Variants in CACNA2D1 observed in about 807,000 individuals in gnomAD.
CACNA2D1 encodes calcium voltage-gated channel auxiliary subunit alpha2delta 1, also known as voltage-dependent calcium channel subunit alpha-2/delta-1.
CACNA2D1 carries 53 observed loss-of-function variants against 171.5 expected under a neutral mutation model. That is an observed-to-expected ratio of 0.31 (90% CI 0.25 to 0.39). The LOEUF (loss-of-function observed/expected upper bound fraction) is 0.39, where lower values mean the gene tolerates loss of function less well. Among genes scored for constraint, CACNA2D1 ranks in the 10% least tolerant of loss-of-function variants. The pLI is 1.00. For synonymous variants in CACNA2D1, 442 were observed against 443.1 expected, an observed-to-expected ratio of 1.00 and a Z score of 0.03; for missense variants, 903 against 1,299.8, an observed-to-expected ratio of 0.69 and a Z score of 4.69.
At chr7:82,233,612 T>G (rs1803204861) in intron 3 of CACNA2D1, among the ~76,000 whole-genome samples, 1 of 152,088 alleles carries the variant, frequency 6.6e-6, no homozygotes, top group African/African-American at 2.4e-5. Flanking sequence ...AATAGTAATA[T>G]CAAATTGGCA....
intron 3 of CACNA2D1, among the ~76,000 whole-genome samples, chr7:82,251,928 T>G (rs948362224): frequency 1.3e-5 from 2 of 152,196 alleles, no homozygotes; most frequent in South Asian, 2.1e-4. Context: ...ACAAGGGACA[T>G]GCAAGATAAA....
At chr7:82,044,716 A>C (rs998989673) in intron 10 of CACNA2D1, among the ~76,000 whole-genome samples, 1 of 152,146 alleles carries the variant, frequency 6.6e-6, no homozygotes, top group Non-Finnish European at 1.5e-5. Context: ...ATAAAAGGAA[A>C]ATGACCAGAG....
At chr7:82,003,025 C>CTAA (rs1798764114) in intron 18 of CACNA2D1, among the ~76,000 whole-genome samples, 1 of 151,986 alleles carries the variant, frequency 6.6e-6, no homozygotes, top group Admixed American at 6.6e-5. Context: ...TATACTGTTA[C>CTAA]CATATGTTCC....
intron 1 of CACNA2D1, among the ~76,000 whole-genome samples, chr7:82,412,715 G>GA (rs1827808567): frequency 6.6e-6 from 1 of 151,540 alleles, no homozygotes; most frequent in South Asian, 2.1e-4. Context: ...TTTCTAATCA[G>GA]AAAATATCAC....
chr7:82,399,333 G>C (rs1442567054), intron 1 of CACNA2D1, among the ~76,000 whole-genome samples: 3 of 151,714 alleles, frequency 2.0e-5, no homozygotes, highest in Non-Finnish European at 2.9e-5. Context: ...CCAGCTACTC[G>C]AGAGGCTCAG....
At chr7:82,217,424 T>TATATATATATATATATAG (rs1801265518) in intron 3 of CACNA2D1, among the ~76,000 whole-genome samples, 1 of 110,298 alleles carries the variant, frequency 9.1e-6, no homozygotes, top group African/African-American at 3.3e-5. Flanking sequence ...TATATATATA[T>TATATATATATATATATAG]ATCAGGAAAA....
chr7:82,280,124 T>C (rs1361280299), intron 3 of CACNA2D1, among the ~76,000 whole-genome samples: 1 of 152,210 alleles, frequency 6.6e-6, no homozygotes, highest in Non-Finnish European at 1.5e-5. Flanking sequence ...TAAAAATATA[T>C]TAATTTTCAA....
At chr7:81,980,567 G>C (rs1209580942) in intron 24 of CACNA2D1, among the ~76,000 whole-genome samples, 3 of 151,900 alleles carry the variant, frequency 2.0e-5, no homozygotes, top group Admixed American at 6.6e-5. Context: ...ACAATCACTG[G>C]CTCGTATTTA....
rs190020356 is a variant in CACNA2D1 at position 82,429,846 on chromosome 7, C to T, written c.95+13519G>A. On this transcript the variant is annotated intron_variant, in intron 1 of 38. Coordinates refer to ENST00000356860, the MANE Select transcript of CACNA2D1 (RefSeq NM_000722.4). ...TCATAAAAATTAATGCCAATTTCTA[C>T]ACTTATATCGACAGGAAAATCAGGT... Among the ~76,000 whole-genome samples the T allele has an allele frequency of 7.2e-5, 11 of 152,268 alleles. 1 individual carries two copies. In the East Asian group the frequency reaches 1.9e-3, roughly 27 times the overall value.
chr7:82,014,791 C>A (rs777098596), intron 12 of CACNA2D1, among the ~76,000 whole-genome samples: 1 of 152,150 alleles, frequency 6.6e-6, no homozygotes, highest in Non-Finnish European at 1.5e-5. Context: ...CAGTGGCTCA[C>A]GCTCGTAATC....
chr7:82,310,359 T>G (rs548881325), intron 3 of CACNA2D1, among the ~76,000 whole-genome samples: 5 of 152,084 alleles, frequency 3.3e-5, no homozygotes, highest in South Asian at 2.1e-4. Context: ...GAAAATAATT[T>G]TGTCTAGTTT....
chr7:82,314,295 C>T (rs574538728), intron 3 of CACNA2D1, among the ~76,000 whole-genome samples: 1 of 152,130 alleles, frequency 6.6e-6, no homozygotes, highest in African/African-American at 2.4e-5. Flanking sequence ...TTTATAGACA[C>T]TAAAGGAACT....
At chr7:82,416,647 A>C (rs1186705829) in intron 1 of CACNA2D1, among the ~76,000 whole-genome samples, 1 of 152,208 alleles carries the variant, frequency 6.6e-6, no homozygotes, top group African/African-American at 2.4e-5. Flanking sequence ...GTCTGTGTCC[A>C]AATTCTTCCT....
intron 1 of CACNA2D1, among the ~76,000 whole-genome samples, chr7:82,435,226 G>A (rs764174479): frequency 4.0e-5 from 6 of 151,580 alleles, no homozygotes; most frequent in Non-Finnish European, 7.4e-5. Flanking sequence ...TAGTAGAGAT[G>A]GGGTTTCACC....
At chr7:82,107,511 G>A (rs1237996778) in intron 6 of CACNA2D1, among the ~76,000 whole-genome samples, 4 of 151,454 alleles carry the variant, frequency 2.6e-5, no homozygotes, top group Non-Finnish European at 5.9e-5. Context: ...GCTTCCATTA[G>A]CTCTTCACTA....
intron 6 of CACNA2D1, 148 bp from the exon 7 acceptor site, chr7:82,085,048 A>C: frequency 1.4e-6 from 1 of 701,502 alleles, no homozygotes; most frequent in Non-Finnish European, 2.4e-6. Flanking sequence ...AGTTTTCGAC[A>C]CTTTAGAGGA....
intron 1 of CACNA2D1, among the ~76,000 whole-genome samples, chr7:82,441,068 GT>G (rs2129460003): frequency 6.6e-6 from 1 of 151,938 alleles, no homozygotes; most frequent in South Asian, 2.1e-4. Context: ...TTTGCACTCA[GT>G]TTTTATAAAT....
At position 82,089,419 on chromosome 7, in the gene CACNA2D1, A is replaced by C. The variant is rs534054606; in HGVS notation, c.527-4519T>G. Among the ~76,000 whole-genome samples the C allele has an allele frequency of 5.3e-5, 8 of 152,320 alleles. No homozygotes were observed. In the South Asian group the frequency reaches 1.2e-3, roughly 24 times the overall value. On this transcript the variant is annotated intron_variant, in intron 6 of 38. Coordinates refer to ENST00000356860, the MANE Select transcript of CACNA2D1 (RefSeq NM_000722.4). Reference sequence around the variant, plus strand: ...AGAAAATTCGATTTTGTAAAAATTAAGTCTTTTATAGATGTCCAAGGCCAA... The same window carrying C: ...AGAAAATTCGATTTTGTAAAAATTACGTCTTTTATAGATGTCCAAGGCCAA...
At chr7:82,227,857 A>T (rs145010962) in intron 3 of CACNA2D1, among the ~76,000 whole-genome samples, 96 of 152,304 alleles carry the variant, frequency 6.3e-4, no homozygotes, top group African/African-American at 2.0e-3. Flanking sequence ...ATAATAAATA[A>T]AGGCTTTATA....
Sources: gnomAD v4.1 joint callset for allele counts (sites outside exome capture counted in the v4.1 genomes callset) on GRCh38, gnomAD v4.1.1 for gene constraint, MANE v1.5 for transcripts, NCBI Gene and HGNC (gene_info 2026-07-23, HGNC 2026-07-21) for gene names.